SH3YL1: variants seen among roughly 807,000 people sequenced by gnomAD.
SH3YL1 encodes SH3 domain-containing YSC84-like protein 1.
SH3YL1 carries 41 observed loss-of-function variants against 45.8 expected under a neutral mutation model. The ratio of observed to expected loss-of-function variants is 0.89; its 90% CI spans 0.70 to 1.16. SH3YL1 has a LOEUF of 1.16. Ranked by LOEUF, SH3YL1 falls within the 50% of genes most tolerant of loss-of-function variation. SH3YL1 has a pLI of 0.00. For synonymous variants in SH3YL1, 152 were observed against 151.4 expected (o/e 1.00, Z -0.03); for missense variants, 389 against 409.6 (o/e 0.95, Z 0.43).
intron 5 of SH3YL1, 75 bp downstream of exon 5, chr2:234,085 A>G (rs1668176075): frequency 1.8e-6 from 2 of 1,086,970 alleles, no homozygotes. Context: ...ATTTTAATTC[A>G]AGTTTCCTAT....
chr2:234,979 G>A lies in SH3YL1; in HGVS notation c.292-707C>T, dbSNP rs557724798. Among the ~76,000 whole-genome samples the A allele has an allele frequency of 1.2e-4, 18 of 152,334 alleles. No individual in the cohort carries two copies. In the South Asian group the frequency reaches 3.5e-3, roughly 30 times the overall value. On this transcript the variant is annotated intron_variant, in intron 4 of 9. Coordinates refer to ENST00000356150, the MANE Select transcript of SH3YL1 (RefSeq NM_015677.4). ...TGCAACCTCCGCCTCCCGGGTTCAA[G>A]TGATTCTCCTGTCTCAGCCTCCTGA...
At chr2:232,430 CTT>C (rs1668088629) in intron 6 of SH3YL1, among the ~76,000 whole-genome samples, 2 of 115,628 alleles carry the variant, frequency 1.7e-5, no homozygotes, top group African/African-American at 7.1e-5. Flanking sequence ...GTATTACTAA[CTT>C]ATGTTTAAGT....
chr2:231,477 C>CAT (rs796134265), intron 6 of SH3YL1, among the ~76,000 whole-genome samples: 1 of 152,112 alleles, frequency 6.6e-6, no homozygotes, highest in African/African-American at 2.4e-5. Context: ...TATACTTGCC[C>CAT]ATATATATAC....
At chr2:264,199 C>A, upstream of SH3YL1, 1 of 560,280 alleles carries the variant, frequency 1.8e-6, no homozygotes, top group Non-Finnish European at 2.9e-6. Flanking sequence ...ACTTCGGAAC[C>A]GCCCCGTCCT....
intron 7 of SH3YL1, 184 bp downstream of exon 7, chr2:230,839 T>C (rs1667999888): frequency 1.7e-6 from 1 of 602,542 alleles, no homozygotes; most frequent in Non-Finnish European, 2.9e-6. Context: ...GGACAAATTA[T>C]GTTTTTCCCT....
intron 9 of SH3YL1, chr2:222,860 G>A (rs1270354547): frequency 6.6e-6 from 1 of 152,212 alleles, no homozygotes; most frequent in African/African-American, 2.4e-5. Flanking sequence ...TCAATTTAAG[G>A]CTCGGGCCCT....
chr2:242,769 T>C lies in SH3YL1; in HGVS notation c.291+4769A>G, dbSNP rs780692018. 10 of 1,533,890 alleles carry C rather than the reference T, an allele frequency of 6.5e-6. 1 individual carries two copies. In the South Asian group the frequency reaches 8.6e-5, roughly 13 times the overall value. On this transcript the variant is annotated intron_variant, in intron 4 of 9. Transcript: ENST00000356150. ...CAACAACATCCAATTATATGCTCCA[T>C]AGGAGACACGCTTTAGATTCAAAGT...
chr2:243,408 G>T, intron 4 of SH3YL1: 1 of 1,224,050 alleles, frequency 8.2e-7, no homozygotes, highest in African/African-American at 1.5e-5. Flanking sequence ...TGGACATTAA[G>T]CAACACACTC....
chr2:263,632 C>CGCAT (rs1199366783), intron 1 of SH3YL1: 10 of 260,408 alleles, frequency 3.8e-5, no homozygotes, highest in Non-Finnish European at 6.6e-5. Flanking sequence ...TCCAAGCGCG[C>CGCAT]GCATTCGACC....
intron 4 of SH3YL1, among the ~76,000 whole-genome samples, chr2:246,050 C>T (rs1317284910): frequency 2.6e-5 from 4 of 151,774 alleles, no homozygotes; most frequent in Non-Finnish European, 5.9e-5. Flanking sequence ...ACAAAATTAG[C>T]TGGGTGTGGT....
intron 4 of SH3YL1, chr2:240,475 A>C (rs1668494975): frequency 6.6e-6 from 1 of 152,248 alleles, no homozygotes. Context: ...TAAACAGGTA[A>C]GATGAGGTAT....
intron 1 of SH3YL1, chr2:260,533 T>C (rs1558256142): frequency 6.6e-6 from 1 of 152,200 alleles, no homozygotes; most frequent in South Asian, 2.1e-4. Context: ...AAGGCACTTC[T>C]GTTTCCACTT....
At chr2:257,561 A>G (rs766909999) in intron 1 of SH3YL1, among the ~76,000 whole-genome samples, 5 of 152,214 alleles carry the variant, frequency 3.3e-5, no homozygotes, top group Non-Finnish European at 7.3e-5. Context: ...ATACACTGCT[A>G]AGTGTTCACA....
intron 8 of SH3YL1, among the ~76,000 whole-genome samples, chr2:228,160 G>A (rs1240123664): frequency 6.6e-6 from 1 of 152,196 alleles, no homozygotes; most frequent in Non-Finnish European, 1.5e-5. Flanking sequence ...TCACGAGTGT[G>A]TCGAGTGAGG....
rs201258626 is a variant in SH3YL1 at position 249,720 on chromosome 2, C to A, written c.226+11G>T. 1.9e-6 allele frequency: 3 copies of A among 1,538,926 alleles called. No homozygotes were observed. Among genetic ancestry groups the A allele is most frequent in the Non-Finnish European group, 8.8e-7 (1 of 1,135,402 alleles). ...AAGACTCTCTACTCCAGTGAACAGA[C>A]GCCAACTTACTTCCATCTGGAAGGC... On this transcript the variant is annotated intron_variant, in intron 3 of 9. Transcript: ENST00000356150.
intron 1 of SH3YL1, chr2:260,399 C>T (rs548565935): frequency 6.6e-6 from 1 of 152,328 alleles, no homozygotes; most frequent in African/African-American, 2.4e-5. Flanking sequence ...GATTGGGTGA[C>T]CCGAGGCTGC....
chr2:256,573 A>C (rs966641413), intron 1 of SH3YL1: 3 of 152,184 alleles, frequency 2.0e-5, no homozygotes, highest in Non-Finnish European at 4.4e-5. Flanking sequence ...TGCGCCTGTA[A>C]TCCCAGCTAC....
At chr2:231,216 A>G in intron 6 of SH3YL1, 25 bp from the exon 7 acceptor site, 1 of 1,515,560 alleles carries the variant, frequency 6.6e-7, no homozygotes. Flanking sequence ...AAAATTAAAA[A>G]CATTTTAATA....
chr2:248,451 C>T (rs753352389), intron 3 of SH3YL1, among the ~76,000 whole-genome samples: 7 of 152,128 alleles, frequency 4.6e-5, no homozygotes, highest in Non-Finnish European at 8.8e-5. Context: ...GGAACTGTCC[C>T]TGTGTTAAGA....
Sources: allele counts gnomAD v4.1 joint callset (sites outside exome capture counted in the v4.1 genomes callset), GRCh38; gene constraint gnomAD v4.1.1; transcripts MANE v1.5; gene names NCBI Gene and HGNC (gene_info 2026-07-23, HGNC 2026-07-21).